NRXN1: variants seen among roughly 807,000 people sequenced by gnomAD.
NRXN1 encodes neurexin-1.
Under a neutral mutation model 150.9 loss-of-function variants are expected in NRXN1, and 39 were observed. That is an observed-to-expected ratio of 0.26 (90% CI 0.20 to 0.34). The LOEUF is 0.34. NRXN1 is among the 10% of genes least tolerant of loss of function. The pLI, the probability that NRXN1 is intolerant of heterozygous loss-of-function variation, is 1.00. For synonymous variants in NRXN1, 924 were observed against 757.0 expected, an observed-to-expected ratio of 1.22 and a Z score of -3.62; for missense variants, 1,815 against 1,949.9, an observed-to-expected ratio of 0.93 and a Z score of 1.30.
intron 17 of NRXN1, among the ~76,000 whole-genome samples, chr2:50,309,644 C>T (rs1045180130): frequency 1.3e-5 from 2 of 152,110 alleles, no homozygotes; most frequent in African/African-American, 4.8e-5. Context: ...CAGTTTATCA[C>T]CCAGAAAAGG....
At chr2:50,702,286 G>A (rs1693848876) in intron 5 of NRXN1, among the ~76,000 whole-genome samples, 1 of 151,616 alleles carries the variant, frequency 6.6e-6, no homozygotes, top group Non-Finnish European at 1.5e-5. Context: ...CATCCTACAG[G>A]CCATTTTCAT....
intron 17 of NRXN1, among the ~76,000 whole-genome samples, chr2:50,301,589 C>T (rs1175144254): frequency 6.6e-6 from 1 of 152,112 alleles, no homozygotes; most frequent in Non-Finnish European, 1.5e-5. Flanking sequence ...GAAAAGTCAT[C>T]AATTTAGATG....
chr2:50,940,824 C>T (rs1574997970), intron 2 of NRXN1, among the ~76,000 whole-genome samples: 1 of 152,104 alleles, frequency 6.6e-6, no homozygotes, highest in African/African-American at 2.4e-5. Flanking sequence ...ACCAATAACC[C>T]CTGTCCCCAA....
intron 2 of NRXN1, among the ~76,000 whole-genome samples, chr2:50,971,573 G>C (rs935807252): frequency 6.6e-6 from 1 of 151,718 alleles, no homozygotes; most frequent in Non-Finnish European, 1.5e-5. Context: ...ACAAGAGCAA[G>C]ACTCGATCTC....
chr2:50,484,882 G>A (rs2090752367), intron 15 of NRXN1, among the ~76,000 whole-genome samples: 1 of 150,096 alleles, frequency 6.7e-6, no homozygotes, highest in East Asian at 2.0e-4. Context: ...TTATGGAATA[G>A]AAAGTGTTTT....
At chr2:50,844,008 G>C (rs1287824909) in intron 5 of NRXN1, among the ~76,000 whole-genome samples, 1 of 152,024 alleles carries the variant, frequency 6.6e-6, no homozygotes, top group Non-Finnish European at 1.5e-5. Context: ...GCCACAGCCT[G>C]GTCTAGGTGG....
At chr2:50,280,211 G>C (rs2071232999) in intron 17 of NRXN1, among the ~76,000 whole-genome samples, 1 of 149,900 alleles carries the variant, frequency 6.7e-6, no homozygotes, top group Non-Finnish European at 1.5e-5. Flanking sequence ...ACGGGAGGCG[G>C]AGCTTGCAGT....
At chr2:51,010,054 T>A (rs1667603879) in intron 2 of NRXN1, among the ~76,000 whole-genome samples, 1 of 151,958 alleles carries the variant, frequency 6.6e-6, no homozygotes, top group Non-Finnish European at 1.5e-5. Flanking sequence ...AACATTCTAC[T>A]ACGTTTAAGA....
chr2:50,180,768 C>T (rs1032836902), intron 18 of NRXN1, among the ~76,000 whole-genome samples: 4 of 152,094 alleles, frequency 2.6e-5, no homozygotes, highest in African/African-American at 4.8e-5. Flanking sequence ...TTATAAACTA[C>T]CTGGTTTTAG....
chr2:50,494,489 C>T (rs553598316), intron 15 of NRXN1, among the ~76,000 whole-genome samples: 1 of 152,232 alleles, frequency 6.6e-6, no homozygotes, highest in South Asian at 2.1e-4. Context: ...AGAGGTTTGG[C>T]CTGTAAGAAG....
chr2:50,113,889 A>G (rs1702692382), intron 18 of NRXN1, among the ~76,000 whole-genome samples: 1 of 152,152 alleles, frequency 6.6e-6, no homozygotes, highest in South Asian at 2.1e-4. Context: ...ATGGTCAGTT[A>G]ATTTTTATTG....
intron 2 of NRXN1, among the ~76,000 whole-genome samples, chr2:51,018,495 T>C (rs987446315): frequency 7.9e-5 from 12 of 152,112 alleles, no homozygotes; most frequent in African/African-American, 2.2e-4. Flanking sequence ...GTACAGGGCA[T>C]TCATCTTTCC....
At chr2:50,117,311 T>C (rs909913081) in intron 18 of NRXN1, among the ~76,000 whole-genome samples, 10 of 152,114 alleles carry the variant, frequency 6.6e-5, no homozygotes, top group African/African-American at 2.4e-4. Context: ...CAGCAACTTT[T>C]GAATTACAAA....
At chr2:50,771,625 C>T (rs1430768799) in intron 5 of NRXN1, among the ~76,000 whole-genome samples, 1 of 152,026 alleles carries the variant, frequency 6.6e-6, no homozygotes, top group Non-Finnish European at 1.5e-5. Flanking sequence ...TACAAAGATA[C>T]ATTTGGAGAT....
intron 21 of NRXN1, among the ~76,000 whole-genome samples, chr2:50,037,597 T>C (rs1212755294): frequency 6.6e-6 from 1 of 152,218 alleles, no homozygotes; most frequent in African/African-American, 2.4e-5. Context: ...TGAAGGCTAT[T>C]GTGCTGGCTT....
chr2:50,226,134 A>G (rs1380072113), intron 18 of NRXN1, among the ~76,000 whole-genome samples: 2 of 151,978 alleles, frequency 1.3e-5, no homozygotes, highest in African/African-American at 2.4e-5. Context: ...TTTGCAGCTC[A>G]CTAGTTGTGT....
At position 50,716,633 on chromosome 2, in the gene NRXN1, A is replaced by T. The variant is rs535569403; in HGVS notation, c.833-93018T>A. 3.3e-5 allele frequency among the ~76,000 whole-genome samples: 5 copies of T among 152,316 alleles called. 1 individual carries two copies. The highest frequency in any genetic ancestry group is 1.2e-4 in the African/African-American group (5 of 41,580). On this transcript the variant is annotated intron_variant, in intron 5 of 22. Transcript: ENST00000401669. ...TTGCATTCTAGTTACCTAAATTATC[A>T]TATCTACTTCCATCTACATATAAAT... is the stretch of plus-strand genomic sequence containing the variant.
chr2:50,227,068 A>G (rs1015915567), intron 18 of NRXN1, among the ~76,000 whole-genome samples: 5 of 151,712 alleles, frequency 3.3e-5, no homozygotes, highest in African/African-American at 1.2e-4. Flanking sequence ...ATGGATGAAG[A>G]TTTGCCATCA....
chr2:51,000,395 A>G (rs796644467), intron 2 of NRXN1, among the ~76,000 whole-genome samples: 8 of 152,104 alleles, frequency 5.3e-5, no homozygotes, highest in Non-Finnish European at 8.8e-5. Flanking sequence ...GAATATATCC[A>G]TACAAACAGG....
Sources: allele counts gnomAD v4.1 joint callset (sites outside exome capture counted in the v4.1 genomes callset), GRCh38; gene constraint gnomAD v4.1.1; transcripts MANE v1.5; gene names NCBI Gene and HGNC (gene_info 2026-07-23, HGNC 2026-07-21).